The following PRDM5 variants were observed in gnomAD, a reference collection of about 807,000 sequenced individuals.
The protein encoded by PRDM5 is PR domain zinc finger protein 5.
A neutral mutation model predicts 81.2 loss-of-function variants in PRDM5; 56 were observed. The ratio of observed to expected loss-of-function variants is 0.69; its 90% confidence interval spans 0.56 to 0.86. The LOEUF (loss-of-function observed/expected upper bound fraction) is 0.86, where lower values mean the gene tolerates loss of function less well. Ranked by LOEUF, PRDM5 falls within the 40% of genes least tolerant of loss-of-function variation. PRDM5 has a pLI of 0.00. For missense variants in PRDM5, 697 were observed against 770.1 expected (o/e 0.91, Z 1.12); for synonymous variants, 267 against 256.4 (o/e 1.04, Z -0.39).
chr4:120,866,423 GAAAGA>G (rs1467898623), intron 2 of PRDM5, among the ~76,000 whole-genome samples: 1 of 152,160 alleles, frequency 6.6e-6, no homozygotes, highest in Non-Finnish European at 1.5e-5. Flanking sequence ...AGTGAAACAT[GAAAGA>G]AAAGAAATCT....
intron 14 of PRDM5, among the ~76,000 whole-genome samples, chr4:120,741,674 C>T (rs1457877482): frequency 1.3e-5 from 2 of 152,048 alleles, no homozygotes; most frequent in South Asian, 4.1e-4. Context: ...ACGGACAGCA[C>T]CTGGAAAATA....
At chr4:120,687,504 T>A (rs760815759), downstream of PRDM5, among the ~76,000 whole-genome samples, 2 of 152,134 alleles carry the variant, frequency 1.3e-5, no homozygotes, top group Non-Finnish European at 2.9e-5. Flanking sequence ...TAGGTGTACA[T>A]GAAATTTTCT....
intron 2 of PRDM5, among the ~76,000 whole-genome samples, chr4:120,902,138 T>C (rs978854507): frequency 1.3e-5 from 2 of 152,100 alleles, no homozygotes; most frequent in East Asian, 3.9e-4. Flanking sequence ...CCAGAGCCAA[T>C]AGAAAAGAGC....
At chr4:120,783,702 A>G (rs891389929) in intron 11 of PRDM5, among the ~76,000 whole-genome samples, 1 of 152,166 alleles carries the variant, frequency 6.6e-6, no homozygotes, top group Admixed American at 6.6e-5. Flanking sequence ...TTTTAAACAC[A>G]TAATTCTTTT....
At chr4:120,727,806 C>G (rs1263092565) in intron 14 of PRDM5, among the ~76,000 whole-genome samples, 1 of 151,842 alleles carries the variant, frequency 6.6e-6, no homozygotes, top group Non-Finnish European at 1.5e-5. Flanking sequence ...GACAGTGGCT[C>G]ACGTCTGTAA....
intron 2 of PRDM5, among the ~76,000 whole-genome samples, chr4:120,891,316 G>C (rs1268245033): frequency 6.6e-6 from 1 of 152,086 alleles, no homozygotes; most frequent in Non-Finnish European, 1.5e-5. Flanking sequence ...TAATTTGTGT[G>C]CATAGAGGTT....
At chr4:120,815,733 C>T (rs1418474706) in intron 7 of PRDM5, among the ~76,000 whole-genome samples, 1 of 152,156 alleles carries the variant, frequency 6.6e-6, no homozygotes, top group Non-Finnish European at 1.5e-5. Flanking sequence ...CACAGGGTTT[C>T]ATAAATCTCA....
chr4:120,748,727 T>A (rs751654266), intron 14 of PRDM5, among the ~76,000 whole-genome samples: 4 of 151,262 alleles, frequency 2.6e-5, no homozygotes, highest in Non-Finnish European at 5.9e-5. Context: ...ACAAAGACCA[T>A]GAATGGGACA....
chr4:120,904,199 A>AAAAAAAAAAAAAAAAAAAAAAAG (rs1377943506), intron 2 of PRDM5, among the ~76,000 whole-genome samples: 1 of 144,748 alleles, frequency 6.9e-6, no homozygotes, highest in Admixed American at 6.9e-5. Flanking sequence ...CAAAAAAAAA[A>AAAAAAAAAAAAAAAAAAAAAAAG]AAAAAACAAA....
intron 3 of PRDM5, among the ~76,000 whole-genome samples, chr4:120,826,308 T>G (rs1755972221): frequency 6.6e-6 from 1 of 152,128 alleles, no homozygotes; most frequent in Non-Finnish European, 1.5e-5. Context: ...TTGCTATAAC[T>G]CCTCCATGTG....
chr4:120,840,636 C>A (rs1001732817), intron 3 of PRDM5, among the ~76,000 whole-genome samples: 1 of 152,110 alleles, frequency 6.6e-6, no homozygotes, highest in African/African-American at 2.4e-5. Flanking sequence ...CACTCCAGGC[C>A]CAGCTTCATC....
At chr4:120,803,800 G>A (rs568664662) in intron 8 of PRDM5, among the ~76,000 whole-genome samples, 2 of 152,194 alleles carry the variant, frequency 1.3e-5, no homozygotes, top group African/African-American at 4.8e-5. Context: ...ATCAACTAAC[G>A]AGCAAAATAG....
chr4:120,754,437 T>C (rs748493463), intron 14 of PRDM5, 116 bp downstream of exon 14: 7 of 649,384 alleles, frequency 1.1e-5, no homozygotes, highest in Non-Finnish European at 1.8e-5. Flanking sequence ...GTCATAAATA[T>C]AGATATACAA....
intron 13 of PRDM5, among the ~76,000 whole-genome samples, chr4:120,760,994 T>C (rs907907244): frequency 2.6e-5 from 4 of 152,178 alleles, no homozygotes; most frequent in African/African-American, 9.7e-5. Flanking sequence ...CTAAAGTCAT[T>C]AGCAAAGGCA....
At chr4:120,716,278 C>T (rs1737736662) in intron 14 of PRDM5, among the ~76,000 whole-genome samples, 2 of 152,044 alleles carry the variant, frequency 1.3e-5, no homozygotes. Flanking sequence ...GTACAACAAC[C>T]ATGTATTTAT....
chr4:120,862,465 G>C (rs982816869), intron 2 of PRDM5, among the ~76,000 whole-genome samples: 1 of 152,200 alleles, frequency 6.6e-6, no homozygotes, highest in African/African-American at 2.4e-5. Flanking sequence ...GCCAAGTCCT[G>C]AGGATGGACC....
At chr4:120,737,189 C>T (rs1321050699) in intron 14 of PRDM5, among the ~76,000 whole-genome samples, 4 of 152,150 alleles carry the variant, frequency 2.6e-5, no homozygotes, top group Non-Finnish European at 5.9e-5. Context: ...CCTCTAAAAA[C>T]AAACTCTTCA....
chr4:120,816,762 G>T (rs1754570692), intron 6 of PRDM5, 70 bp downstream of exon 6: 2 of 1,522,434 alleles, frequency 1.3e-6, no homozygotes, highest in African/African-American at 1.4e-5. Context: ...TTACTAAGAA[G>T]CATGAAAGTA....
chr4:120,708,484 G>A (rs912637966), intron 15 of PRDM5, among the ~76,000 whole-genome samples: 4 of 152,072 alleles, frequency 2.6e-5, no homozygotes, highest in Admixed American at 6.6e-5. Flanking sequence ...TAAGGGATGA[G>A]GGGAGTGAGG....
Sources: allele counts gnomAD v4.1 joint callset (sites outside exome capture counted in the v4.1 genomes callset), GRCh38; gene constraint gnomAD v4.1.1; transcripts MANE v1.5; gene names NCBI Gene and HGNC (gene_info 2026-07-23, HGNC 2026-07-21).